QTMAN: variants seen among roughly 807,000 people sequenced by gnomAD.
The protein encoded by QTMAN is queuosine-tRNA mannosyltransferase.
the QTMAN span, among the ~76,000 whole-genome samples, chr2:143,972,161 G>C: frequency 3.9e-5 from 6 of 152,234 alleles, no homozygotes; most frequent in South Asian, 8.3e-4. Context: ...TACTGCTACA[G>C]GCAAGAACAA....
chr2:144,027,711 T>C, the QTMAN span, among the ~76,000 whole-genome samples: 5 of 152,332 alleles, frequency 3.3e-5, no homozygotes, highest in Admixed American at 1.3e-4. Context: ...AGTTATAGCA[T>C]TGCTTTAAAC....
the QTMAN span, among the ~76,000 whole-genome samples, chr2:144,020,974 GAACA>G: frequency 6.7e-6 from 1 of 150,178 alleles, no homozygotes; most frequent in Non-Finnish European, 1.5e-5. Context: ...GTAGAAAGCA[GAACA>G]AAAACAAAAA....
At chr2:144,284,143 TAG>T in the QTMAN span, among the ~76,000 whole-genome samples, 1 of 151,538 alleles carries the variant, frequency 6.6e-6, no homozygotes, top group Non-Finnish European at 1.5e-5. Flanking sequence ...TCTACTTTAG[TAG>T]AGATATAAAA....
chr2:144,077,674 T>C, the QTMAN span, among the ~76,000 whole-genome samples: 1 of 152,206 alleles, frequency 6.6e-6, no homozygotes, highest in Non-Finnish European at 1.5e-5. Flanking sequence ...TATGTGCCTG[T>C]GTGTTGTGTG....
At chr2:144,178,684 A>G in the QTMAN span, 1 of 246,752 alleles carries the variant, frequency 4.1e-6, no homozygotes, top group Non-Finnish European at 8.0e-6. Context: ...ACCCTATACC[A>G]TAATGCTATT....
the QTMAN span, among the ~76,000 whole-genome samples, chr2:144,102,527 C>G: frequency 1.3e-5 from 2 of 152,168 alleles, no homozygotes; most frequent in Non-Finnish European, 2.9e-5. Flanking sequence ...AGTGATCCAG[C>G]CCCACCCTAT....
chr2:144,255,801 A>G, the QTMAN span, among the ~76,000 whole-genome samples: 294 of 152,338 alleles, frequency 1.9e-3, 1 homozygote, highest in African/African-American at 6.6e-3. Flanking sequence ...TGTTTGTCAA[A>G]ATGCATAGAA....
the QTMAN span, among the ~76,000 whole-genome samples, chr2:144,020,330 A>G: frequency 6.6e-6 from 1 of 152,178 alleles, no homozygotes; most frequent in Non-Finnish European, 1.5e-5. Flanking sequence ...CCCAGCAGGC[A>G]GACACACAGG....
the QTMAN span, chr2:143,939,188 A>C: frequency 6.6e-6 from 1 of 152,206 alleles, no homozygotes; most frequent in Non-Finnish European, 1.5e-5. Flanking sequence ...AGAGCAGATT[A>C]GGAGTTTTTC....
chr2:144,129,821 T>C, the QTMAN span, among the ~76,000 whole-genome samples: 1 of 151,992 alleles, frequency 6.6e-6, no homozygotes, highest in African/African-American at 2.4e-5. Context: ...CATTTAATAG[T>C]ACTGATAAAC....
chr2:143,972,532 C>T, the QTMAN span, among the ~76,000 whole-genome samples: 1 of 151,648 alleles, frequency 6.6e-6, no homozygotes, highest in African/African-American at 2.4e-5. Flanking sequence ...AGCTGTAGTT[C>T]TTAAAAGATT....
At chr2:144,242,769 C>A in the QTMAN span, among the ~76,000 whole-genome samples, 1 of 151,742 alleles carries the variant, frequency 6.6e-6, no homozygotes, top group South Asian at 2.1e-4. Context: ...CGAGACCAGC[C>A]TGGCCAAGAT....
chr2:144,258,677 T>C, the QTMAN span, among the ~76,000 whole-genome samples: 1 of 152,036 alleles, frequency 6.6e-6, no homozygotes, highest in Non-Finnish European at 1.5e-5. Flanking sequence ...TGTATACACA[T>C]AAGGACAGAC....
chr2:144,124,296 A>G, the QTMAN span, among the ~76,000 whole-genome samples: 1 of 152,168 alleles, frequency 6.6e-6, no homozygotes, highest in Non-Finnish European at 1.5e-5. Flanking sequence ...AGTTTAACTT[A>G]TGGTGTCATC....
chr2:144,308,758 C>A, the QTMAN span, among the ~76,000 whole-genome samples: 1 of 151,654 alleles, frequency 6.6e-6, no homozygotes, highest in African/African-American at 2.4e-5. Context: ...TTCAAAAAAA[C>A]AACAACAACA....
At chr2:144,104,273 T>C in the QTMAN span, among the ~76,000 whole-genome samples, 1,249 of 152,138 alleles carry the variant, frequency 8.2e-3, 5 homozygotes, top group Non-Finnish European at 0.014. Flanking sequence ...GAACAGTGGG[T>C]GCAGCCCACC....
At chr2:144,170,629 T>C in the QTMAN span, among the ~76,000 whole-genome samples, 1 of 152,080 alleles carries the variant, frequency 6.6e-6, no homozygotes, top group Non-Finnish European at 1.5e-5. Context: ...GGAGATACTA[T>C]CTCTATATTC....
At chr2:144,259,251 T>G in the QTMAN span, among the ~76,000 whole-genome samples, 1 of 152,194 alleles carries the variant, frequency 6.6e-6, no homozygotes, top group Non-Finnish European at 1.5e-5. Context: ...CTCTACCTCC[T>G]GGGTTCAAGT....
the QTMAN span, among the ~76,000 whole-genome samples, chr2:144,289,524 G>A: frequency 6.6e-6 from 1 of 152,154 alleles, no homozygotes; most frequent in Non-Finnish European, 1.5e-5. Context: ...AAATTAAAAT[G>A]GTACACTAGA....
Sources: gnomAD v4.1 joint callset for allele counts (sites outside exome capture counted in the v4.1 genomes callset) on GRCh38, gnomAD v4.1.1 for gene constraint, MANE v1.5 for transcripts, NCBI Gene and HGNC (gene_info 2026-07-23, HGNC 2026-07-21) for gene names.